ZNF711: variants seen among roughly 807,000 people sequenced by gnomAD.
The protein encoded by ZNF711 is ZFX family zinc finger ZNF711.
In ZNF711, 3 loss-of-function variants were observed where a neutral mutation model predicts 43.5. That is an observed-to-expected ratio of 0.07 (90% CI 0.03 to 0.18). ZNF711 has a LOEUF of 0.18. ZNF711 is among the 10% of genes least tolerant of loss of function. The pLI, the probability that ZNF711 is intolerant of heterozygous loss-of-function variation, is 1.00. For synonymous variants in ZNF711, 209 were observed against 207.7 expected (o/e 1.01, Z -0.06); for missense variants, 412 against 604.0 (o/e 0.68, Z 3.33).
chrX:85,261,941 GT>G (rs1460467456), intron 5 of ZNF711, among the ~76,000 whole-genome samples: 2 of 110,900 alleles, frequency 1.8e-5, no homozygotes, highest in African/African-American at 6.5e-5. Context: ...TGCCTATTAA[GT>G]CTTTGTTAAT....
chrX:85,250,758 T>C (rs1929490235), intron 4 of ZNF711, among the ~76,000 whole-genome samples: 1 of 111,695 alleles, frequency 9.0e-6, no homozygotes, highest in South Asian at 3.7e-4. Context: ...CTAGGGATAA[T>C]GTTGACTTGA....
intron 5 of ZNF711, among the ~76,000 whole-genome samples, chrX:85,259,324 A>G (rs1930433907): frequency 9.0e-6 from 1 of 111,275 alleles, no homozygotes; most frequent in East Asian, 2.8e-4. Flanking sequence ...TGTAGTTTCA[A>G]GTTGGATAAT....
At chrX:85,262,175 G>C (rs1488669936) in intron 5 of ZNF711, among the ~76,000 whole-genome samples, 1 of 110,757 alleles carries the variant, frequency 9.0e-6, no homozygotes, top group Non-Finnish European at 1.9e-5. Flanking sequence ...AGAAAAGGTA[G>C]AAATGGAATC....
At chrX:85,261,381 G>A (rs1930632710) in intron 5 of ZNF711, among the ~76,000 whole-genome samples, 1 of 110,686 alleles carries the variant, frequency 9.0e-6, no homozygotes, top group Non-Finnish European at 1.9e-5. Flanking sequence ...TATATTTTTA[G>A]TTTTCTTGGG....
At position 85,271,015 on chromosome X, in the gene ZNF711, A is replaced by G. The variant is rs753894325; in HGVS notation, c.1611A>G (p.Leu537=). 1.7e-6 allele frequency: 2 copies of G among 1,211,310 alleles called. No homozygotes were observed. Among genetic ancestry groups the G allele is most frequent in the South Asian group, 1.8e-5 (1 of 56,984 alleles). ...ATGAAACTGCAGAACAAGGACTGTT[A>G]AACAGGCATTTGTTGGCCGTTCACA... is the stretch of plus-strand genomic sequence containing the variant. ...CDYETAEQGL[L]NRHLLAVHSK... The change falls in exon 11 of 11, where the codon TTA becomes TTG. Residue 537 remains leucine, a synonymous_variant. Transcript: ENST00000674551.
chrX:85,269,614 C>T (rs1931400808), intron 9 of ZNF711, among the ~76,000 whole-genome samples: 1 of 110,511 alleles, frequency 9.0e-6, no homozygotes, highest in Non-Finnish European at 1.9e-5. Flanking sequence ...TGACCTCAAG[C>T]AGTCCTGCCT....
At chrX:85,261,907 G>A (rs1797606965) in intron 5 of ZNF711, among the ~76,000 whole-genome samples, 1 of 110,857 alleles carries the variant, frequency 9.0e-6, no homozygotes, top group Non-Finnish European at 1.9e-5. Context: ...GGCCTTTGGA[G>A]ATTTATTTCT....
At chrX:85,245,134 T>C (rs1211257489) in intron 1 of ZNF711, among the ~76,000 whole-genome samples, 1 of 112,084 alleles carries the variant, frequency 8.9e-6, no homozygotes, top group Non-Finnish European at 1.9e-5. Context: ...CTCCCATCTC[T>C]GCAAATACTA....
chrX:85,268,157 G>A, intron 8 of ZNF711, 137 bp from the exon 9 acceptor site: 1 of 734,839 alleles, frequency 1.4e-6, no homozygotes, highest in Non-Finnish European at 2.0e-6. Context: ...AGGAGTGGAA[G>A]AACACAACAA....
Position 85,255,539 on chromosome X carries a change from AACC to A in ZNF711, c.361_363del (p.Thr121del). On this transcript the variant is annotated inframe_deletion, in exon 5 of 11. Coordinates refer to ENST00000674551, the MANE Select transcript of ZNF711 (RefSeq NM_001330574.2). ...TCTTGACTTCTGAACTAATTACAGAAACCGTTAGGGTACCAGAGCAGGTTTTCG... is the reference window on the plus strand; with the variant it reads ...TCTTGACTTCTGAACTAATTACAGAAGTTAGGGTACCAGAGCAGGTTTTCG... 1 of 1,211,904 alleles carries A rather than the reference AACC, an allele frequency of 8.3e-7. No individual in the cohort carries two copies.
intron 9 of ZNF711, among the ~76,000 whole-genome samples, 189 bp from the exon 10 acceptor site, chrX:85,269,814 C>T (rs1467023755): frequency 1.8e-5 from 2 of 111,586 alleles, no homozygotes; most frequent in Admixed American, 9.6e-5. Flanking sequence ...TTTACAAATA[C>T]ATGTCTTTAC....
chrX:85,246,148 T>C (rs1929032027), intron 2 of ZNF711, 126 bp downstream of exon 2: 1 of 112,277 alleles, frequency 8.9e-6, no homozygotes, highest in Admixed American at 9.4e-5. Context: ...ATTACTCTAA[T>C]TAAAATCCAA....
chrX:85,254,776 C>T (rs987644569), intron 4 of ZNF711, among the ~76,000 whole-genome samples: 2 of 93,285 alleles, frequency 2.1e-5, no homozygotes, highest in African/African-American at 8.2e-5. Context: ...CACTCCAGCC[C>T]GGGCGATAGA....
At chrX:85,253,020 G>C (rs1929682872) in intron 4 of ZNF711, among the ~76,000 whole-genome samples, 1 of 111,693 alleles carries the variant, frequency 9.0e-6, no homozygotes, top group African/African-American at 3.3e-5. Context: ...GTTTTGTACT[G>C]GATGATTTCT....
At position 85,271,458 on chromosome X, in the gene ZNF711, A is replaced by G; in HGVS notation, c.2054A>G (p.Asp685Gly). 8.3e-7 allele frequency: 1 copy of G among 1,211,344 alleles called. No homozygotes were observed. The highest frequency in any genetic ancestry group is 1.1e-6 in the Non-Finnish European group (1 of 895,232). ...CCTTCTGAGCTCAAAAAGCATAGTG[A>G]TATCCATAAGGGTAGGAAGATTCAT... is the stretch of plus-strand genomic sequence containing the variant. ...HRPSELKKHS[D>G]IHKGRKIHQC... Residue 685 changes from aspartate (D) to glycine (G), a missense_variant, in exon 11 of 11, where the codon GAT becomes GGT. This residue lies in a region of ZNF711 where 375 missense variants were observed against 514.2 expected (regional missense o/e 0.73). Transcript: ENST00000674551.
intron 10 of ZNF711, 92 bp from the exon 11 acceptor site, chrX:85,270,559 A>G: frequency 1.3e-6 from 1 of 760,867 alleles, no homozygotes; most frequent in Non-Finnish European, 2.0e-6. Flanking sequence ...TTGTTTTCAC[A>G]TAGTGAATGC....
chrX:85,267,947 A>G (rs1157388093), intron 8 of ZNF711, among the ~76,000 whole-genome samples: 1 of 111,619 alleles, frequency 9.0e-6, no homozygotes, highest in Non-Finnish European at 1.9e-5. Flanking sequence ...TTGATGTTCA[A>G]ATGCATTAAT....
intron 8 of ZNF711, among the ~76,000 whole-genome samples, 159 bp from the exon 9 acceptor site, chrX:85,268,135 T>C (rs1167538636): frequency 9.0e-6 from 1 of 110,732 alleles, no homozygotes; most frequent in Non-Finnish European, 1.9e-5. Flanking sequence ...TATGTGACAT[T>C]ATCTAACCTA....
At chrX:85,258,097 A>C (rs1930333657) in intron 5 of ZNF711, among the ~76,000 whole-genome samples, 1 of 112,651 alleles carries the variant, frequency 8.9e-6, no homozygotes, top group Non-Finnish European at 1.9e-5. Flanking sequence ...TGTTCATAGC[A>C]GCACAATTTG....
Sources: gnomAD v4.1 joint callset for allele counts (sites outside exome capture counted in the v4.1 genomes callset) on GRCh38, gnomAD v4.1.1 for gene constraint, gnomAD v4.1.1 regional missense constraint, MANE v1.5 for transcripts, NCBI Gene and HGNC (gene_info 2026-07-23, HGNC 2026-07-21) for gene names.